PPP1R14C: variants seen among roughly 807,000 people sequenced by gnomAD.
PPP1R14C encodes the protein protein phosphatase 1 regulatory inhibitor subunit 14C.
A neutral mutation model predicts 20.4 loss-of-function variants in PPP1R14C; 16 were observed. The ratio of observed to expected loss-of-function variants is 0.78; its 90% CI spans 0.53 to 1.19. The LOEUF (loss-of-function observed/expected upper bound fraction) is 1.19, where lower values mean the gene tolerates loss of function less well. PPP1R14C is among the 50% of genes most tolerant of loss of function. PPP1R14C has a pLI of 0.00. For missense variants in PPP1R14C, 211 were observed against 220.1 expected, an observed-to-expected ratio of 0.96 and a Z score of 0.26; for synonymous variants, 91 against 91.0, an observed-to-expected ratio of 1.00 and a Z score of 0.00.
intron 1 of PPP1R14C, among the ~76,000 whole-genome samples, chr6:150,165,548 A>G (rs1178216614): frequency 6.6e-6 from 1 of 152,256 alleles, no homozygotes; most frequent in African/African-American, 2.4e-5. Context: ...TGGGCCTACT[A>G]TGTGGCAGGC....
At chr6:150,177,129 C>T (rs887315211) in intron 1 of PPP1R14C, among the ~76,000 whole-genome samples, 7 of 151,776 alleles carry the variant, frequency 4.6e-5, no homozygotes, top group African/African-American at 9.7e-5. Flanking sequence ...AGACAGTGAA[C>T]GGCTCTCTGG....
Position 150,153,875 on chromosome 6 carries a change from C to T in PPP1R14C, c.306+10377C>T, listed in dbSNP as rs148050640. Among the ~76,000 whole-genome samples, 981 of 152,308 alleles carry T rather than the reference C, an allele frequency of 6.4e-3. 8 individuals carry two copies. The highest frequency in any genetic ancestry group is 0.022 in the African/African-American group (903 of 41,556). ...GAGGGCTGGAATATTCATTCACTCACTCATTCATTTATTTGTTCAACAGAT... is the reference window on the plus strand; with the variant it reads ...GAGGGCTGGAATATTCATTCACTCATTCATTCATTTATTTGTTCAACAGAT... On this transcript the variant is annotated intron_variant, in intron 1 of 3. Coordinates refer to ENST00000361131, the MANE Select transcript of PPP1R14C (RefSeq NM_030949.3).
intron 1 of PPP1R14C, among the ~76,000 whole-genome samples, chr6:150,159,406 C>T (rs533957538): frequency 1.3e-5 from 2 of 152,308 alleles, no homozygotes; most frequent in South Asian, 4.2e-4. Context: ...CTTTTCCACC[C>T]AGAAGGCTCA....
chr6:150,243,466 C>T (rs765063496), intron 3 of PPP1R14C, among the ~76,000 whole-genome samples: 3 of 152,110 alleles, frequency 2.0e-5, no homozygotes, highest in Non-Finnish European at 4.4e-5. Flanking sequence ...GCATGAGCCA[C>T]GGCACCCAGC....
In PPP1R14C at chr6:150,201,986, G is replaced by A. The variant is rs1777883370; in HGVS notation, c.307-12758G>A. On this transcript the variant is annotated intron_variant, in intron 1 of 3. Coordinates refer to ENST00000361131, the MANE Select transcript of PPP1R14C (RefSeq NM_030949.3). The surrounding 1 kb of genome is among the most constrained non-coding windows in gnomAD (Gnocchi z 4.2). ...TACAAAGAAGCATGCCCTTTGCTCT[G>A]CTCATTTCACAAGGCAGCTCTGGTT... Among the ~76,000 whole-genome samples, 1 of 152,156 alleles carries A rather than the reference G, an allele frequency of 6.6e-6. No homozygotes were observed. Among genetic ancestry groups the A allele is most frequent in the South Asian group, 2.1e-4 (1 of 4,830 alleles).
rs139892543 is a variant in PPP1R14C at position 150,194,432 on chromosome 6, A to G, written c.307-20312A>G. On this transcript the variant is annotated intron_variant, in intron 1 of 3. Coordinates refer to ENST00000361131, the MANE Select transcript of PPP1R14C (RefSeq NM_030949.3). ...CTCTTGAGAGTATGTACAAAATGAT[A>G]CTGTAAACAGGATTTTAAGTGGCAT... The G allele has an allele frequency of 2.8e-4, 274 of 983,056 alleles. 2 individuals are homozygous for G. In the African/African-American group the frequency reaches 4.5e-3, roughly 16 times the overall value. 60.9% of individuals were successfully genotyped at this position (983,056 alleles called of 1,614,324 possible).
chr6:150,248,805 G>A lies in PPP1R14C; in HGVS notation c.483G>A (p.Gln161=), dbSNP rs751912017. 2 of 1,611,808 alleles carry A rather than the reference G, an allele frequency of 1.2e-6. No individual in the cohort carries two copies. The highest frequency in any genetic ancestry group is 1.7e-6 in the Non-Finnish European group (2 of 1,177,976). Residue 161 remains glutamine (Q), a synonymous_variant, in exon 4 of 4, where the codon CAG becomes CAA. Transcript: ENST00000361131. ...GCATGAGGAAACTGAGCCCTCCGCA[G>A]AAGAAGAGTGTATGATTCTGGAACA... ...IRGMRKLSPP[Q]KKSV
Position 150,143,375 on chromosome 6 carries a change from G to C in PPP1R14C, c.183G>C (p.Gln61His). The C allele has an allele frequency of 6.2e-7, 1 of 1,611,790 alleles. No individual in the cohort carries two copies. The highest frequency in any genetic ancestry group is 8.5e-7 in the Non-Finnish European group (1 of 1,179,368). The change falls in exon 1 of 4, where the codon CAG (glutamine) becomes CAC (histidine). Residue 61 changes from glutamine to histidine, a missense_variant. Transcript: ENST00000361131. The surrounding 1 kb of genome is among the most constrained non-coding windows in gnomAD (Gnocchi z 5.6). ...ATAAAAGQVQ[Q>H]QQQRRHQQGK... Reference sequence around the variant, plus strand: ...CGGCCGCTGCAGGGCAGGTTCAGCAGCAACAGCAGCGGCGACACCAGCAGG... The same window carrying C: ...CGGCCGCTGCAGGGCAGGTTCAGCACCAACAGCAGCGGCGACACCAGCAGG...
chr6:150,198,504 C>T (rs758671942), intron 1 of PPP1R14C, among the ~76,000 whole-genome samples: 1 of 152,248 alleles, frequency 6.6e-6, no homozygotes. Context: ...CATTCCTTGA[C>T]ATTTTGACCA....
intron 3 of PPP1R14C, among the ~76,000 whole-genome samples, chr6:150,240,846 TAAG>T (rs1778423878): frequency 6.6e-6 from 1 of 152,228 alleles, no homozygotes; most frequent in African/African-American, 2.4e-5. Flanking sequence ...TGTAATATAA[TAAG>T]AAATACATAT....
chr6:150,160,475 G>A (rs759282205), intron 1 of PPP1R14C, among the ~76,000 whole-genome samples: 19 of 149,624 alleles, frequency 1.3e-4, no homozygotes, highest in Admixed American at 6.7e-4. Context: ...GGGTTTCACC[G>A]TGTTAGCGAG....
intron 3 of PPP1R14C, among the ~76,000 whole-genome samples, chr6:150,217,072 G>C (rs1325020623): frequency 6.6e-6 from 1 of 152,172 alleles, no homozygotes; most frequent in Non-Finnish European, 1.5e-5. Context: ...ATGGAGCAGA[G>C]TGTGTTGCTT....
chr6:150,220,324 A>G (rs966266767), intron 3 of PPP1R14C, among the ~76,000 whole-genome samples: 1 of 152,134 alleles, frequency 6.6e-6, no homozygotes, highest in African/African-American at 2.4e-5. Flanking sequence ...CAAATTCCCT[A>G]TGTGAGGGTT....
chr6:150,215,789 C>T (rs773201032), intron 2 of PPP1R14C, among the ~76,000 whole-genome samples: 8 of 152,128 alleles, frequency 5.3e-5, no homozygotes, highest in Middle Eastern at 3.2e-3. Context: ...GCTATCATCA[C>T]CCCGCACCCC....
At chr6:150,195,890 G>A in intron 1 of PPP1R14C, 1 of 985,344 alleles carries the variant, frequency 1.0e-6, no homozygotes, top group Non-Finnish European at 1.2e-6. Flanking sequence ...CAGTTCTAAG[G>A]CAGTGTCAGG....
chr6:150,202,957 G>A (rs1442050808), intron 1 of PPP1R14C, among the ~76,000 whole-genome samples: 2 of 152,138 alleles, frequency 1.3e-5, no homozygotes, highest in South Asian at 2.1e-4. Context: ...CCTCCAGTCC[G>A]GTTGTCCTTT....
intron 1 of PPP1R14C, among the ~76,000 whole-genome samples, chr6:150,153,950 G>A (rs1329759143): frequency 2.6e-5 from 4 of 152,198 alleles, no homozygotes; most frequent in Non-Finnish European, 5.9e-5. Flanking sequence ...TTTAAACTGT[G>A]TAAGGGAAAA....
chr6:150,246,189 A>G (rs1375421929), intron 3 of PPP1R14C, among the ~76,000 whole-genome samples: 1 of 152,160 alleles, frequency 6.6e-6, no homozygotes, highest in Non-Finnish European at 1.5e-5. Context: ...AGGGTCGATT[A>G]TTCCTTATGT....
chr6:150,195,038 T>C, intron 1 of PPP1R14C: 12 of 985,176 alleles, frequency 1.2e-5, no homozygotes, highest in East Asian at 1.1e-4. Flanking sequence ...TTACTAGTTA[T>C]AGCCTTTTGA....
Sources: allele counts gnomAD v4.1 joint callset (sites outside exome capture counted in the v4.1 genomes callset), GRCh38; gene constraint gnomAD v4.1.1; non-coding constraint Gnocchi (gnomAD v3.1); transcripts MANE v1.5; gene names NCBI Gene and HGNC (gene_info 2026-07-23, HGNC 2026-07-21).